Variants in KRABD3 observed in about 807,000 individuals in gnomAD.
KRABD3 encodes the protein KRAB domain-containing protein 3.
At chr7:149,718,241 T>A in the KRABD3 span, among the ~76,000 whole-genome samples, 1 of 152,136 alleles carries the variant, frequency 6.6e-6, no homozygotes, top group Non-Finnish European at 1.5e-5. Flanking sequence ...GTCCTGTCTT[T>A]TTTAATTAAT....
chr7:149,722,862 C>T, the KRABD3 span: 213 of 1,613,634 alleles, frequency 1.3e-4, 4 homozygotes, highest in South Asian at 1.4e-3. Flanking sequence ...CCCGGCACCC[C>T]GAGACATCCC....
chr7:149,731,768 G>A, the KRABD3 span: 2 of 1,609,532 alleles, frequency 1.2e-6, no homozygotes, highest in Admixed American at 3.4e-5. Flanking sequence ...GGAAGACCCA[G>A]AGTTGCAGGT....
the KRABD3 span, among the ~76,000 whole-genome samples, chr7:149,731,153 G>A: frequency 3.9e-5 from 6 of 152,164 alleles, no homozygotes; most frequent in Non-Finnish European, 5.9e-5. Context: ...AGGACGAGGA[G>A]GGAGAAGCAG....
chr7:149,719,505 T>C, the KRABD3 span: 2 of 1,529,176 alleles, frequency 1.3e-6, no homozygotes, highest in East Asian at 2.5e-5. This position sits in a 1 kb window ranked among gnomAD's most constrained non-coding sequence, Gnocchi z 5.6. Context: ...CTGTCCCCTC[T>C]GGGATGGAAC....
chr7:149,729,405 C>G, the KRABD3 span: 244 of 1,383,800 alleles, frequency 1.8e-4, 3 homozygotes, highest in South Asian at 3.9e-3. Context: ...CTGACAGCCC[C>G]ACTTCAGTTA....
chr7:149,719,390 C>T, the KRABD3 span: 1 of 712,426 alleles, frequency 1.4e-6, no homozygotes, highest in South Asian at 2.2e-5. The surrounding 1 kb of genome is among the most constrained non-coding windows in gnomAD (Gnocchi z 5.6). Context: ...AGCTCACCCC[C>T]AGCACTGTCT....
the KRABD3 span, chr7:149,730,832 G>A: frequency 1.2e-5 from 6 of 521,548 alleles, no homozygotes; most frequent in South Asian, 5.9e-5. Context: ...TAATATACAC[G>A]TGTGCATGTA....
At chr7:149,716,834 T>G in the KRABD3 span, among the ~76,000 whole-genome samples, 2 of 152,194 alleles carry the variant, frequency 1.3e-5, no homozygotes, top group African/African-American at 4.8e-5. Context: ...GCACTTAATA[T>G]TCATAGTCCC....
the KRABD3 span, chr7:149,728,378 A>G: frequency 1.0e-6 from 1 of 965,452 alleles, no homozygotes; most frequent in South Asian, 1.6e-5. Context: ...GGGCCGCGCC[A>G]GAGCCAGGAC....
chr7:149,721,656 C>A, the KRABD3 span: 1 of 1,145,436 alleles, frequency 8.7e-7, no homozygotes, highest in Non-Finnish European at 1.3e-6. Context: ...CCCTGTTGTG[C>A]TGTTCTTTTG....
At chr7:149,724,580 T>C in the KRABD3 span, 2 of 1,185,752 alleles carry the variant, frequency 1.7e-6, no homozygotes, top group East Asian at 5.7e-5. Flanking sequence ...CCTAACCCTA[T>C]AAAGGCCTCA....
chr7:149,719,720 T>G, the KRABD3 span: 4 of 1,563,536 alleles, frequency 2.6e-6, no homozygotes, highest in South Asian at 2.3e-5. This position sits in a 1 kb window ranked among gnomAD's most constrained non-coding sequence, Gnocchi z 5.6. Flanking sequence ...TGGTGGGCGG[T>G]GGAAGGGAGG....
the KRABD3 span, chr7:149,730,141 G>A: frequency 2.0e-6 from 3 of 1,502,546 alleles, no homozygotes; most frequent in Non-Finnish European, 2.7e-6. Context: ...CTGGTCCCCT[G>A]CCCAGGGTCT....
chr7:149,725,441 C>CT, the KRABD3 span: 1 of 1,612,532 alleles, frequency 6.2e-7, no homozygotes, highest in Non-Finnish European at 8.5e-7. Context: ...CCAGGAGACT[C>CT]TAGGTCTCAG....
At chr7:149,733,985 A>G in the KRABD3 span, 1 of 1,610,090 alleles carries the variant, frequency 6.2e-7, no homozygotes, top group South Asian at 1.1e-5. Context: ...AGGAGTGCAG[A>G]GGGCCCTCCA....
the KRABD3 span, chr7:149,723,928 T>C: frequency 6.2e-7 from 1 of 1,607,346 alleles, no homozygotes; most frequent in African/African-American, 1.3e-5. Flanking sequence ...CCCCCAGACA[T>C]CCTACATTAC....
chr7:149,722,959 G>A, the KRABD3 span: 8 of 1,570,828 alleles, frequency 5.1e-6, no homozygotes, highest in Non-Finnish European at 6.9e-6. Context: ...CTGGGCAGGT[G>A]AGTTCTGGGG....
chr7:149,729,145 G>T, the KRABD3 span: 1 of 1,415,714 alleles, frequency 7.1e-7, no homozygotes, highest in East Asian at 2.6e-5. Flanking sequence ...GCAGCACGAG[G>T]CCCCGTGGGG....
chr7:149,725,490 T>C, the KRABD3 span: 6 of 1,600,608 alleles, frequency 3.7e-6, no homozygotes, highest in South Asian at 1.1e-5. Context: ...ACAGTGAAGG[T>C]AGATTGTGGC....
Sources: gnomAD v4.1 joint callset for allele counts (sites outside exome capture counted in the v4.1 genomes callset) on GRCh38, gnomAD v4.1.1 for gene constraint, Gnocchi (gnomAD v3.1) non-coding constraint, MANE v1.5 for transcripts, NCBI Gene and HGNC (gene_info 2026-07-23, HGNC 2026-07-21) for gene names.